Variants in HS6ST2 observed in about 807,000 individuals in gnomAD.
HS6ST2 encodes the protein heparan-sulfate 6-O-sulfotransferase 2.
In HS6ST2, 17 loss-of-function variants were observed where a neutral mutation model predicts 33.0. The observed-to-expected ratio is 0.52, with a 90% CI of 0.35 to 0.77. HS6ST2 has a LOEUF of 0.77. Ranked by LOEUF, HS6ST2 falls within the 30% of genes least tolerant of loss-of-function variation. The pLI, the probability that HS6ST2 is intolerant of heterozygous loss-of-function variation, is 0.01. For synonymous variants in HS6ST2, 248 were observed against 237.1 expected (o/e 1.05, Z -0.42); for missense variants, 519 against 551.7 (o/e 0.94, Z 0.59).
chrX:132,673,681 A>G (rs1417549911), intron 3 of HS6ST2, among the ~76,000 whole-genome samples: 2 of 111,050 alleles, frequency 1.8e-5, no homozygotes, highest in Non-Finnish European at 1.9e-5. Flanking sequence ...AGGCTCCTGA[A>G]CACTCCCTGA....
intron 2 of HS6ST2, among the ~76,000 whole-genome samples, chrX:132,847,135 T>C (rs1422573793): frequency 5.5e-5 from 6 of 108,406 alleles, no homozygotes; most frequent in African/African-American, 2.0e-4. Context: ...TGAAATTAAA[T>C]AGGAATAAGC....
chrX:132,741,740 CT>C (rs1190917425), intron 2 of HS6ST2, among the ~76,000 whole-genome samples: 1 of 111,516 alleles, frequency 9.0e-6, no homozygotes, highest in Non-Finnish European at 1.9e-5. Flanking sequence ...ATAAGAGATA[CT>C]GCCACTGTTG....
At chrX:132,818,300 T>G (rs1298289063) in intron 2 of HS6ST2, among the ~76,000 whole-genome samples, 1 of 111,013 alleles carries the variant, frequency 9.0e-6, no homozygotes, top group Non-Finnish European at 1.9e-5. Flanking sequence ...ACTTACTGTT[T>G]GGTTGAGTGA....
At chrX:132,665,423 C>T (rs1176967540) in intron 4 of HS6ST2, among the ~76,000 whole-genome samples, 2 of 111,889 alleles carry the variant, frequency 1.8e-5, no homozygotes, top group African/African-American at 6.5e-5. Flanking sequence ...AGTGACTTAC[C>T]TTTCTTGAGT....
At chrX:132,839,055 T>C (rs2065676035) in intron 2 of HS6ST2, among the ~76,000 whole-genome samples, 1 of 86,942 alleles carries the variant, frequency 1.2e-5, no homozygotes, top group African/African-American at 4.5e-5. Flanking sequence ...ACAACCTCTA[T>C]GGAAAACAGT....
At chrX:132,867,740 A>C (rs1269765187) in intron 2 of HS6ST2, among the ~76,000 whole-genome samples, 1 of 111,901 alleles carries the variant, frequency 8.9e-6, no homozygotes, top group African/African-American at 3.2e-5. Flanking sequence ...AAATGCTGAG[A>C]GATTTTGTCA....
intron 2 of HS6ST2, among the ~76,000 whole-genome samples, chrX:132,880,616 CTT>C (rs200378896): frequency 1.9e-5 from 2 of 107,644 alleles, no homozygotes; most frequent in East Asian, 2.9e-4. Context: ...TAACCAACAA[CTT>C]TTTTTTTCTT....
chrX:132,629,174 G>A, intron 4 of HS6ST2, 81 bp from the exon 5 acceptor site: 1 of 1,041,126 alleles, frequency 9.6e-7, no homozygotes, highest in South Asian at 2.3e-5. Flanking sequence ...CATATGTGGT[G>A]TTCACTGGCT....
chrX:132,779,974 C>T (rs2065004228), intron 2 of HS6ST2, among the ~76,000 whole-genome samples: 1 of 111,278 alleles, frequency 9.0e-6, no homozygotes, highest in African/African-American at 3.3e-5. Context: ...CCCACCTTCA[C>T]TCACATCCCT....
At chrX:132,883,553 A>C (rs1195673828) in intron 2 of HS6ST2, among the ~76,000 whole-genome samples, 2 of 111,347 alleles carry the variant, frequency 1.8e-5, no homozygotes, top group Non-Finnish European at 3.8e-5. Flanking sequence ...TATTGTACAG[A>C]GCGCCCTTAA....
intron 2 of HS6ST2, among the ~76,000 whole-genome samples, chrX:132,785,018 T>C (rs1287977437): frequency 9.0e-6 from 1 of 111,692 alleles, no homozygotes; most frequent in Non-Finnish European, 1.9e-5. Context: ...TCACTTCAGA[T>C]TGCAGGCCCC....
chrX:132,960,325 A>G (rs1200354535), upstream of HS6ST2, among the ~76,000 whole-genome samples: 1 of 109,178 alleles, frequency 9.2e-6, no homozygotes, highest in Non-Finnish European at 1.9e-5. Context: ...ACTGCAGTCA[A>G]CCTCTTTAGC....
At chrX:132,922,736 C>T (rs758178118) in intron 2 of HS6ST2, among the ~76,000 whole-genome samples, 3 of 110,940 alleles carry the variant, frequency 2.7e-5, no homozygotes, top group Admixed American at 9.6e-5. Context: ...TTCAGAAAGG[C>T]GGAACAACTT....
chrX:132,835,688 G>A (rs1472453024), intron 2 of HS6ST2, among the ~76,000 whole-genome samples: 1 of 112,262 alleles, frequency 8.9e-6, no homozygotes, highest in East Asian at 2.8e-4. Flanking sequence ...GGCCAAGGCA[G>A]GCAGATCACC....
At chrX:132,754,980 G>T (rs1369379390) in intron 2 of HS6ST2, among the ~76,000 whole-genome samples, 5 of 111,569 alleles carry the variant, frequency 4.5e-5, no homozygotes, top group Admixed American at 2.8e-4. Flanking sequence ...CTAAAGTGCT[G>T]GGATTTCCGG....
At position 132,784,393 on chromosome X, in the gene HS6ST2, G is replaced by A. The variant is rs970580546; in HGVS notation, c.948-75899C>T. 5.4e-5 allele frequency among the ~76,000 whole-genome samples: 6 copies of A among 111,232 alleles called. 1 individual carries two copies. The highest frequency in any genetic ancestry group is 9.8e-5 in the African/African-American group (3 of 30,657). On this transcript the variant is annotated intron_variant, in intron 2 of 4. Coordinates refer to ENST00000370833, the MANE Select transcript of HS6ST2 (RefSeq NM_001394073.1). ...GGTGCACTCTCGGCTCACCACAACC[G>A]GCGCCTCCCAGGTTCAAGTGATTCT...
intron 2 of HS6ST2, among the ~76,000 whole-genome samples, chrX:132,736,404 T>A (rs2064511098): frequency 8.9e-6 from 1 of 112,079 alleles, no homozygotes; most frequent in Admixed American, 9.4e-5. Flanking sequence ...TGCACAATTT[T>A]TCCTCTTTTC....
intron 2 of HS6ST2, among the ~76,000 whole-genome samples, chrX:132,908,644 T>C (rs920685584): frequency 1.3e-4 from 15 of 111,847 alleles, no homozygotes; most frequent in Admixed American, 5.7e-4. Context: ...ACTGCATTTG[T>C]CCATTTATGT....
chrX:132,645,186 G>A (rs2063630655), intron 4 of HS6ST2, among the ~76,000 whole-genome samples: 1 of 112,271 alleles, frequency 8.9e-6, no homozygotes, highest in Non-Finnish European at 1.9e-5. Context: ...CATGTACTTA[G>A]CACCACCAGA....
Sources: gnomAD v4.1 joint callset for allele counts (sites outside exome capture counted in the v4.1 genomes callset) on GRCh38, gnomAD v4.1.1 for gene constraint, MANE v1.5 for transcripts, NCBI Gene and HGNC (gene_info 2026-07-23, HGNC 2026-07-21) for gene names.